Variants in SGCZ observed in about 807,000 individuals in gnomAD.
SGCZ encodes the protein zeta-sarcoglycan.
Under a neutral mutation model 41.3 loss-of-function variants are expected in SGCZ, and 40 were observed. The ratio of observed to expected loss-of-function variants is 0.97; its 90% confidence interval spans 0.75 to 1.26. SGCZ has a LOEUF of 1.26. Among genes scored for constraint, SGCZ ranks in the 50% most tolerant of loss-of-function variants. The probability of loss-of-function intolerance (pLI) is 0.00; values close to 1 mark genes in which losing one functional copy is unlikely to be tolerated. For synonymous variants in SGCZ, 206 were observed against 137.5 expected, an observed-to-expected ratio of 1.50 and a Z score of -3.49; for missense variants, 552 against 369.8, an observed-to-expected ratio of 1.49 and a Z score of -4.04.
intron 5 of SGCZ, among the ~76,000 whole-genome samples, chr8:14,110,041 A>C (rs1802326459): frequency 1.3e-5 from 2 of 152,084 alleles, no homozygotes; most frequent in Non-Finnish European, 1.5e-5. Context: ...GAAATTATTT[A>C]AGCGGTTTAT....
chr8:15,203,482 T>C (rs570442205), intron 1 of SGCZ, among the ~76,000 whole-genome samples: 148 of 152,288 alleles, frequency 9.7e-4, no homozygotes, highest in African/African-American at 3.4e-3. Flanking sequence ...AAACAAGATC[T>C]TGATCTTGTA....
At chr8:14,440,974 T>G (rs1398136314) in intron 2 of SGCZ, among the ~76,000 whole-genome samples, 1 of 152,030 alleles carries the variant, frequency 6.6e-6, no homozygotes, top group Admixed American at 6.6e-5. Flanking sequence ...AGGATAGGCT[T>G]TGAAAAGGGG....
At chr8:15,168,025 A>G (rs538646617) in intron 1 of SGCZ, among the ~76,000 whole-genome samples, 1 of 152,368 alleles carries the variant, frequency 6.6e-6, no homozygotes, top group Admixed American at 6.5e-5. Flanking sequence ...TCTTTGCAGC[A>G]TAACTATAGC....
chr8:15,008,655 AAGGAGAT>A (rs1802701535), intron 1 of SGCZ, among the ~76,000 whole-genome samples: 3 of 92,236 alleles, frequency 3.3e-5, no homozygotes, highest in Admixed American at 1.1e-4. Context: ...GGAAGGAGGG[AAGGAGAT>A]GGGAGGGGAG....
chr8:14,668,085 TGGCTGGGATTACA>T (rs1467634955), intron 1 of SGCZ, among the ~76,000 whole-genome samples: 1 of 151,972 alleles, frequency 6.6e-6, no homozygotes, highest in East Asian at 1.9e-4. Flanking sequence ...GCCTCCCGAG[TGGCTGGGATTACA>T]GGCACCCCCG....
At chr8:14,104,273 T>A (rs1802132913) in intron 6 of SGCZ, among the ~76,000 whole-genome samples, 1 of 152,186 alleles carries the variant, frequency 6.6e-6, no homozygotes, top group African/African-American at 2.4e-5. Context: ...GCAGTAAGTT[T>A]CAGACTGGCT....
chr8:14,802,526 A>G (rs1283679518), intron 1 of SGCZ, among the ~76,000 whole-genome samples: 14 of 152,226 alleles, frequency 9.2e-5, no homozygotes, highest in African/African-American at 3.4e-4. Context: ...TCACCATTTA[A>G]TTAAAATCAG....
chr8:14,369,825 ATTAT>A (rs1803848123), intron 2 of SGCZ, among the ~76,000 whole-genome samples: 1 of 151,970 alleles, frequency 6.6e-6, no homozygotes, highest in African/African-American at 2.4e-5. Flanking sequence ...TAATTACATG[ATTAT>A]TTAGAATATA....
chr8:15,074,835 T>G (rs1019402897), intron 1 of SGCZ, among the ~76,000 whole-genome samples: 3 of 152,154 alleles, frequency 2.0e-5, no homozygotes, highest in African/African-American at 4.8e-5. Flanking sequence ...GACATCATCT[T>G]ATGCAGTCAC....
intron 1 of SGCZ, among the ~76,000 whole-genome samples, chr8:14,747,895 T>TG (rs1321465498): frequency 6.7e-6 from 1 of 150,080 alleles, no homozygotes; most frequent in Non-Finnish European, 1.5e-5. Context: ...TTTTTTTTTT[T>TG]TTGTATTTTT....
Position 14,509,434 on chromosome 8 carries a change from T to A in SGCZ, c.234+45298A>T, listed in dbSNP as rs184541457. The stretch of plus-strand genomic sequence containing the variant: ...AAAACCTTAATATAATTGCTTTGGA[T>A]ATGATTCTTACTTTTGCTTCCAGAA... On this transcript the variant is annotated intron_variant, in intron 2 of 7. Transcript: ENST00000382080. Among the ~76,000 whole-genome samples the A allele has an allele frequency of 6.5e-4, 99 of 152,324 alleles. 1 individual carries two copies. The highest frequency in any genetic ancestry group is 2.4e-3 in the African/African-American group (99 of 41,578).
chr8:14,169,107 T>C (rs1804296353), intron 4 of SGCZ, among the ~76,000 whole-genome samples: 1 of 152,114 alleles, frequency 6.6e-6, no homozygotes, highest in African/African-American at 2.4e-5. Flanking sequence ...GCTAAGGGAG[T>C]CTTTGTGTGG....
intron 1 of SGCZ, among the ~76,000 whole-genome samples, chr8:14,966,176 A>C (rs915917855): frequency 1.2e-4 from 18 of 152,002 alleles, no homozygotes; most frequent in Non-Finnish European, 2.2e-4. Flanking sequence ...ACAGATAACC[A>C]AAAATATAAA....
rs148975598 is a variant in SGCZ, at chr8:14,684,347, G to A, written c.40-129421C>T. Among the ~76,000 whole-genome samples the A allele has an allele frequency of 4.0e-3, 616 of 152,216 alleles. 10 individuals are homozygous for A. Among genetic ancestry groups the A allele is most frequent in the African/African-American group, 0.013 (549 of 41,536 alleles). On this transcript the variant is annotated intron_variant, in intron 1 of 7. Coordinates refer to ENST00000382080, the MANE Select transcript of SGCZ (RefSeq NM_139167.4). ...GGAAAGTGGAACCAAATCATGTATTGAAAAGTCATGGCAACGTATTTATGT... is the reference window on the plus strand; with the variant it reads ...GGAAAGTGGAACCAAATCATGTATTAAAAAGTCATGGCAACGTATTTATGT...
At chr8:14,471,968 C>T (rs535280073) in intron 2 of SGCZ, among the ~76,000 whole-genome samples, 27 of 151,946 alleles carry the variant, frequency 1.8e-4, no homozygotes, top group East Asian at 3.9e-4. Flanking sequence ...GCTGAATTTC[C>T]GAATCTCATT....
intron 1 of SGCZ, among the ~76,000 whole-genome samples, chr8:14,821,208 T>C (rs931577687): frequency 6.6e-6 from 1 of 151,948 alleles, no homozygotes; most frequent in African/African-American, 2.4e-5. Context: ...TCAACAAATT[T>C]GATAGCACAG....
At chr8:14,187,129 G>C (rs1563173904) in intron 4 of SGCZ, among the ~76,000 whole-genome samples, 1 of 152,152 alleles carries the variant, frequency 6.6e-6, no homozygotes, top group Non-Finnish European at 1.5e-5. Flanking sequence ...GAGGAACTGT[G>C]GGTCAGGGAA....
At chr8:14,498,831 C>T (rs1802066464) in intron 2 of SGCZ, among the ~76,000 whole-genome samples, 1 of 151,742 alleles carries the variant, frequency 6.6e-6, no homozygotes, top group Non-Finnish European at 1.5e-5. Context: ...CAATATTTTG[C>T]ATCGACCCAG....
At chr8:15,128,653 AGTTTGT>A in intron 1 of SGCZ, among the ~76,000 whole-genome samples, 1 of 152,176 alleles carries the variant, frequency 6.6e-6, no homozygotes. Context: ...ATCCTCCCAT[AGTTTGT>A]GTTCTGTGAA....
Sources: allele counts gnomAD v4.1 joint callset (sites outside exome capture counted in the v4.1 genomes callset), GRCh38; gene constraint gnomAD v4.1.1; transcripts MANE v1.5; gene names NCBI Gene and HGNC (gene_info 2026-07-23, HGNC 2026-07-21).